Variants in ATP8B1 observed in about 807,000 individuals in gnomAD.
The protein encoded by ATP8B1 is ATPase phospholipid transporting 8B1.
A neutral mutation model predicts 149.9 loss-of-function variants in ATP8B1; 80 were observed. The ratio of observed to expected loss-of-function variants is 0.53; its 90% CI spans 0.45 to 0.64. The LOEUF (loss-of-function observed/expected upper bound fraction) is 0.64. Among genes scored for constraint, ATP8B1 ranks in the 30% least tolerant of loss-of-function variants. The pLI is 0.00. For missense variants in ATP8B1, 1,247 were observed against 1,552.6 expected (o/e 0.80, Z 3.31); for synonymous variants, 536 against 562.8 (o/e 0.95, Z 0.67).
rs748285109 is a variant in ATP8B1 at position 57,674,984 on chromosome 18, C to A, written c.1669G>T (p.Ala557Ser). Residue 557 changes from alanine to serine, a missense_variant, in exon 16 of 28, where the codon GCC (alanine) becomes TCC (serine). Coordinates refer to ENST00000648908, the MANE Select transcript of ATP8B1 (RefSeq NM_001374385.1). Reference sequence around the variant, plus strand: ...AAGTTCCTGGCAGCGTTTACCAGGGCACCTTCATCGGGAGAGGCTGCCTGG... The same window carrying A: ...AAGTTCCTGGCAGCGTTTACCAGGGAACCTTCATCGGGAGAGGCTGCCTGG... ...NYQAASPDEG[A>S]LVNAARNFGF... 2 of 1,614,226 alleles carry A rather than the reference C, an allele frequency of 1.2e-6. No homozygotes were observed. The highest frequency in any genetic ancestry group is 1.7e-6 in the Non-Finnish European group (2 of 1,180,042).
In ATP8B1 at chr18:57,767,286, C is replaced by T. The variant is rs79293505; in HGVS notation, c.-25-35454G>A. ...CAGTTGTACATGCCCCTCTAATTCT[C>T]GCATCATCTCACACAACCCAAGCTC... On this transcript the variant is annotated intron_variant, in intron 1 of 27. Transcript: ENST00000648908. Among the ~76,000 whole-genome samples the T allele has an allele frequency of 8.3e-3, 1,260 of 152,298 alleles. 24 individuals are homozygous for T. The highest frequency in any genetic ancestry group is 0.029 in the African/African-American group (1,197 of 41,562).
At chr18:57,703,219 C>T (rs1158201588) in intron 4 of ATP8B1, among the ~76,000 whole-genome samples, 1 of 152,082 alleles carries the variant, frequency 6.6e-6, no homozygotes, top group African/African-American at 2.4e-5. Flanking sequence ...TTCATAAAAC[C>T]TTAAAGGGTC....
intron 1 of ATP8B1, among the ~76,000 whole-genome samples, chr18:57,778,098 C>A (rs1040474918): frequency 1.3e-5 from 2 of 152,196 alleles, no homozygotes; most frequent in Non-Finnish European, 2.9e-5. Context: ...TCCCCACATG[C>A]AAGCGGCAAC....
At chr18:57,777,925 A>G (rs1450949961) in intron 1 of ATP8B1, among the ~76,000 whole-genome samples, 1 of 152,206 alleles carries the variant, frequency 6.6e-6, no homozygotes, top group Non-Finnish European at 1.5e-5. Flanking sequence ...ATTTGCATGT[A>G]TTACTTATTC....
At chr18:57,653,110 A>G (rs1909737052) in intron 24 of ATP8B1, among the ~76,000 whole-genome samples, 1 of 152,160 alleles carries the variant, frequency 6.6e-6, no homozygotes, top group African/African-American at 2.4e-5. Flanking sequence ...TTAATTATAA[A>G]TTATTACTTT....
At chr18:57,688,822 G>C (rs115841896) in intron 12 of ATP8B1, among the ~76,000 whole-genome samples, 8 of 152,276 alleles carry the variant, frequency 5.3e-5, no homozygotes, top group African/African-American at 1.9e-4. Context: ...CACCGGCTGT[G>C]CCTATAAAGC....
chr18:57,803,261 G>C lies in ATP8B1; in HGVS notation c.-289C>G, dbSNP rs2437035. On this transcript the variant is annotated 5_prime_UTR_variant, in exon 1 of 28. Coordinates refer to ENST00000648908, the MANE Select transcript of ATP8B1 (RefSeq NM_001374385.1). ...ACCCTTCCTCTGCAGCCGCCCTTTT[G>C]CCTCCGCTCCGCCGGACCGGCCAAA... Among the ~76,000 whole-genome samples the C allele has an allele frequency of 0.17, 25,952 of 152,134 alleles. 3,266 individuals are homozygous for C. Among genetic ancestry groups the C allele is most frequent in the East Asian group, 0.55 (2,796 of 5,114 alleles).
chr18:57,729,643 C>T (rs531269984), intron 2 of ATP8B1, among the ~76,000 whole-genome samples: 9 of 148,428 alleles, frequency 6.1e-5, no homozygotes, highest in South Asian at 2.1e-4. Flanking sequence ...CTCTGCCTGC[C>T]GGGTTCTAGT....
rs892081963 is a variant in ATP8B1, at chr18:57,803,303, G to A, written c.-331C>T. 6.6e-6 allele frequency among the ~76,000 whole-genome samples: 1 copy of A among 152,224 alleles called. No homozygotes were observed. Among genetic ancestry groups the A allele is most frequent in the African/African-American group, 2.4e-5 (1 of 41,458 alleles). ...CCGGCCAAACTGGTTTCTCCGCTCG[G>A]GGAGGTGCCTCTGGTTTCCCTCCAG... On this transcript the variant is annotated 5_prime_UTR_variant, in exon 1 of 28. Coordinates refer to ENST00000648908, the MANE Select transcript of ATP8B1 (RefSeq NM_001374385.1).
rs778234575 is a variant in ATP8B1, at chr18:57,701,022, CTAAT to C, written c.554+13_554+16del. The C allele has an allele frequency of 6.2e-7, 1 of 1,607,282 alleles. No individual in the cohort carries two copies. The highest frequency in any genetic ancestry group is 8.5e-7 in the Non-Finnish European group (1 of 1,173,818). On this transcript the variant is annotated intron_variant, in intron 6 of 27. Coordinates refer to ENST00000648908, the MANE Select transcript of ATP8B1 (RefSeq NM_001374385.1). ...GCATTACATCCTTGAAACTCAGTTA[CTAAT>C]TAGACACAGTACCTGCCATCCTTAA... is the stretch of plus-strand genomic sequence containing the variant.
intron 13 of ATP8B1, among the ~76,000 whole-genome samples, chr18:57,686,421 G>A (rs1216877887): frequency 1.3e-5 from 2 of 151,638 alleles, no homozygotes; most frequent in African/African-American, 2.4e-5. Context: ...CAACAGCCTC[G>A]ACGTACCCAG....
chr18:57,775,242 A>G (rs2080296396), intron 1 of ATP8B1, among the ~76,000 whole-genome samples: 1 of 152,100 alleles, frequency 6.6e-6, no homozygotes, highest in Non-Finnish European at 1.5e-5. Flanking sequence ...GCTTGAGCCC[A>G]GGGGTCAAGG....
chr18:57,791,473 C>G (rs531807574), intron 1 of ATP8B1, among the ~76,000 whole-genome samples: 64 of 151,068 alleles, frequency 4.2e-4, no homozygotes, highest in African/African-American at 1.5e-3. Context: ...GTCATAGCCT[C>G]CCGAGTAGCT....
At chr18:57,708,710 T>G (rs938631468) in intron 2 of ATP8B1, among the ~76,000 whole-genome samples, 2 of 152,198 alleles carry the variant, frequency 1.3e-5, no homozygotes, top group East Asian at 1.9e-4. Context: ...AAGTCAATTT[T>G]AGAAATAACT....
At chr18:57,653,825 C>G (rs1015040246) in intron 24 of ATP8B1, among the ~76,000 whole-genome samples, 167 bp downstream of exon 24, 4 of 151,464 alleles carry the variant, frequency 2.6e-5, no homozygotes, top group African/African-American at 9.7e-5. Flanking sequence ...TTCCTTATTA[C>G]AAAACAAGAA....
Position 57,668,417 on chromosome 18 carries a change from A to G in ATP8B1, c.2209+12T>C, listed in dbSNP as rs753759891. 6.3e-7 allele frequency: 1 copy of G among 1,576,638 alleles called. No homozygotes were observed. Among genetic ancestry groups the G allele is most frequent in the East Asian group, 2.2e-5 (1 of 44,670 alleles). ...TGAATTAACAGATATGCTTCCCTGC[A>G]CAATGAATTACCCTTTTTGTCTCCA... On this transcript the variant is annotated intron_variant, in intron 19 of 27. Coordinates refer to ENST00000648908, the MANE Select transcript of ATP8B1 (RefSeq NM_001374385.1).
rs2080592999 is a variant in ATP8B1 at position 57,802,746 on chromosome 18, C to T, written c.-26+252G>A. On this transcript the variant is annotated intron_variant, in intron 1 of 27. Transcript: ENST00000648908. The surrounding 1 kb of genome is among the most constrained non-coding windows in gnomAD (Gnocchi z 4.9). ...TTTCCCTCCTCTAGGCAGGTGAAAA[C>T]CCCACGGAACTCTCCGCAGCGCTGC... Among the ~76,000 whole-genome samples, 1 of 152,192 alleles carries T rather than the reference C, an allele frequency of 6.6e-6. No individual in the cohort carries two copies. The highest frequency in any genetic ancestry group is 1.5e-5 in the Non-Finnish European group (1 of 68,018).
intron 1 of ATP8B1, among the ~76,000 whole-genome samples, chr18:57,764,988 A>G (rs1025206754): frequency 6.6e-6 from 1 of 152,254 alleles, no homozygotes; most frequent in Non-Finnish European, 1.5e-5. Context: ...TTTATACAGT[A>G]GACCCATGTT....
intron 24 of ATP8B1, 144 bp from the exon 25 acceptor site, chr18:57,652,873 T>C: frequency 9.8e-7 from 1 of 1,015,780 alleles, no homozygotes; most frequent in Non-Finnish European, 1.5e-6. Flanking sequence ...CGATCAATCC[T>C]GCAATATTTG....
Sources: gnomAD v4.1 joint callset for allele counts (sites outside exome capture counted in the v4.1 genomes callset) on GRCh38, gnomAD v4.1.1 for gene constraint, Gnocchi (gnomAD v3.1) non-coding constraint, MANE v1.5 for transcripts, NCBI Gene and HGNC (gene_info 2026-07-23, HGNC 2026-07-21) for gene names.